Variants in PEX14 observed in about 807,000 individuals in gnomAD.
PEX14 encodes the protein peroxisomal biogenesis factor 14, also known as peroxisomal membrane protein PEX14.
In PEX14, 15 loss-of-function variants were observed where a neutral mutation model predicts 49.5. That is an observed-to-expected ratio of 0.30 (90% confidence interval 0.20 to 0.47). The LOEUF is 0.47. Ranked by LOEUF, PEX14 falls within the 20% of genes least tolerant of loss-of-function variation. The pLI, the probability that PEX14 is intolerant of heterozygous loss-of-function variation, is 1.00. For missense variants in PEX14, 398 were observed against 494.8 expected, an observed-to-expected ratio of 0.80 and a Z score of 1.86; for synonymous variants, 210 against 212.7, an observed-to-expected ratio of 0.99 and a Z score of 0.11.
At chr1:10,582,282 C>T (rs1640343223) in intron 3 of PEX14, among the ~76,000 whole-genome samples, 1 of 151,936 alleles carries the variant, frequency 6.6e-6, no homozygotes, top group African/African-American at 2.4e-5. Context: ...GTGCTTTATT[C>T]ACATTTATTC....
At chr1:10,603,300 AGAT>A (rs1391867818) in intron 4 of PEX14, among the ~76,000 whole-genome samples, 7 of 152,258 alleles carry the variant, frequency 4.6e-5, no homozygotes, top group Non-Finnish European at 1.5e-5. Flanking sequence ...TCTTTGGGAA[AGAT>A]AAGATAAACT....
In PEX14 at chr1:10,514,503, T is replaced by C. The variant is rs1171589227; in HGVS notation, c.84+19182T>C. 6.6e-6 allele frequency among the ~76,000 whole-genome samples: 1 copy of C among 152,182 alleles called. No homozygotes were observed. Among genetic ancestry groups the C allele is most frequent in the Admixed American group, 6.5e-5 (1 of 15,282 alleles). On this transcript the variant is annotated intron_variant, in intron 2 of 8. Transcript: ENST00000356607. This position sits in a 1 kb window ranked among gnomAD's most constrained non-coding sequence, Gnocchi z 4.4. Reference sequence around the variant, plus strand: ...TCTTGGTGAGTAGCTAATACCTTATTTTGTTCAAGGTTCCACGTTCACACA... The same window carrying C: ...TCTTGGTGAGTAGCTAATACCTTATCTTGTTCAAGGTTCCACGTTCACACA...
chr1:10,525,864 T>TC (rs1257519055), intron 2 of PEX14, among the ~76,000 whole-genome samples: 1 of 151,760 alleles, frequency 6.6e-6, no homozygotes, highest in African/African-American at 2.4e-5. Flanking sequence ...GACCTTGTGA[T>TC]CCGCCCGCCT....
At chr1:10,601,936 G>A (rs945781334) in intron 4 of PEX14, among the ~76,000 whole-genome samples, 4 of 152,186 alleles carry the variant, frequency 2.6e-5, no homozygotes, top group Non-Finnish European at 5.9e-5. Context: ...TTCCTCCAGT[G>A]GCTTAATACC....
At chr1:10,626,197 C>A (rs1293293526) in intron 7 of PEX14, among the ~76,000 whole-genome samples, 1 of 152,190 alleles carries the variant, frequency 6.6e-6, no homozygotes, top group African/African-American at 2.4e-5. Flanking sequence ...ATTTCTAAAT[C>A]CTGGCATCTG....
intron 3 of PEX14, among the ~76,000 whole-genome samples, chr1:10,592,640 C>T (rs1640702811): frequency 6.6e-6 from 1 of 152,146 alleles, no homozygotes; most frequent in South Asian, 2.1e-4. Context: ...ACTGGTGTGT[C>T]TGATATAATT....
chr1:10,606,820 T>C (rs1443393875), intron 4 of PEX14, among the ~76,000 whole-genome samples: 1 of 152,242 alleles, frequency 6.6e-6, no homozygotes, highest in African/African-American at 2.4e-5. Context: ...TGACTTCCTG[T>C]AGCTCTTTTT....
intron 1 of PEX14, among the ~76,000 whole-genome samples, chr1:10,484,028 C>CT (rs200948766): frequency 0.042 from 5,579 of 132,368 alleles, 458 homozygotes; most frequent in African/African-American, 0.14. Context: ...AATGAATTAC[C>CT]TTTTTTTTTT....
At chr1:10,532,054 C>G (rs1327002759) in intron 2 of PEX14, among the ~76,000 whole-genome samples, 2 of 152,130 alleles carry the variant, frequency 1.3e-5, no homozygotes, top group East Asian at 3.8e-4. Context: ...GTAGATAACC[C>G]CTGAGTATAC....
At chr1:10,589,330 G>A (rs1357301188) in intron 3 of PEX14, among the ~76,000 whole-genome samples, 2 of 152,206 alleles carry the variant, frequency 1.3e-5, no homozygotes, top group Admixed American at 6.5e-5. Flanking sequence ...ATCCGGTCTT[G>A]TGCTCACTGG....
intron 3 of PEX14, among the ~76,000 whole-genome samples, chr1:10,543,785 A>C (rs192085614): frequency 6.6e-5 from 10 of 152,176 alleles, no homozygotes; most frequent in Admixed American, 5.2e-4. Context: ...TTTTTTGTAG[A>C]GACAGGGTCT....
At chr1:10,475,217 G>A (rs1641174269) in intron 1 of PEX14, among the ~76,000 whole-genome samples, 1 of 150,628 alleles carries the variant, frequency 6.6e-6, no homozygotes, top group African/African-American at 2.4e-5. Flanking sequence ...CCCGGGCTCT[G>A]GTGTTTGGCT....
chr1:10,486,818 C>T (rs929198794), intron 1 of PEX14, among the ~76,000 whole-genome samples: 2 of 151,672 alleles, frequency 1.3e-5, no homozygotes, highest in Non-Finnish European at 2.9e-5. Context: ...TCCTGAGTAG[C>T]TGGGATTACA....
intron 2 of PEX14, among the ~76,000 whole-genome samples, chr1:10,499,663 G>A (rs1641634882): frequency 6.6e-6 from 1 of 151,988 alleles, no homozygotes; most frequent in Non-Finnish European, 1.5e-5. Flanking sequence ...TGGCCAGGAT[G>A]GTCTGGATCT....
chr1:10,537,935 T>TG (rs35357504), intron 3 of PEX14, among the ~76,000 whole-genome samples: 145,186 of 151,232 alleles, frequency 0.96, 69,576 homozygotes, highest in East Asian at 1. Context: ...GAGAGAAAAC[T>TG]TTTTGTGCAA....
At chr1:10,527,456 G>A (rs1157192195) in intron 2 of PEX14, among the ~76,000 whole-genome samples, 1 of 148,516 alleles carries the variant, frequency 6.7e-6, no homozygotes. Context: ...GGTGGAGTTT[G>A]CAGTGAGCCG....
chr1:10,577,563 T>TGTATATATATATATATATA (rs1557854885), intron 3 of PEX14, among the ~76,000 whole-genome samples: 1 of 2,462 alleles, frequency 4.1e-4, no homozygotes, highest in African/African-American at 1.5e-3. Flanking sequence ...TATATATATA[T>TGTATATATATATATATATA]TTTTTTTTTT....
rs757658916 is a variant in PEX14 at position 10,629,660 on chromosome 1, C to T, written c.807C>T (p.Asn269=). 5.5e-5 allele frequency: 88 copies of T among 1,613,824 alleles called. No individual in the cohort carries two copies. The highest frequency in any genetic ancestry group is 1.6e-4 in the Middle Eastern group (1 of 6,084). Residue 269 remains asparagine (N), a synonymous_variant, in exon 9 of 9, where the codon AAC becomes AAT. Coordinates refer to ENST00000356607, the MANE Select transcript of PEX14 (RefSeq NM_004565.3). The surrounding 1 kb of genome is among the most constrained non-coding windows in gnomAD (Gnocchi z 8.5). ...HSSSDISPVS[N]ESTSSSPGKE... is the part of the protein sequence containing the mutation. The stretch of plus-strand genomic sequence containing the variant: ...GCAGCGACATCTCACCTGTCAGCAA[C>T]GAGTCCACGTCGTCCTCGCCTGGGA...
Position 10,618,336 on chromosome 1 carries a change from C to T in PEX14, c.303C>T (p.Pro101=), listed in dbSNP as rs199552789. The T allele has an allele frequency of 2.7e-5, 44 of 1,613,762 alleles. No individual in the cohort carries two copies. In the African/African-American group the frequency reaches 2.9e-4, roughly 11 times the overall value. The change falls in exon 5 of 9, where the codon CCC becomes CCT. Residue 101 remains proline (P), a synonymous_variant. Transcript: ENST00000356607. ...TCCTCCTCTTCCCGCCTGTAGGTCC[C>T]GCAGGCTCCCGATGGCGAGATTACG... The part of the protein sequence containing the change: ...PPHLISQPYS[P]AGSRWRDYGA...
Sources: allele counts gnomAD v4.1 joint callset (sites outside exome capture counted in the v4.1 genomes callset), GRCh38; gene constraint gnomAD v4.1.1; non-coding constraint Gnocchi (gnomAD v3.1); transcripts MANE v1.5; gene names NCBI Gene and HGNC (gene_info 2026-07-23, HGNC 2026-07-21).